Variants in CDC42BPA observed in about 807,000 individuals in gnomAD.
The protein encoded by CDC42BPA is CDC42 binding protein kinase alpha, also known as serine/threonine-protein kinase MRCK alpha.
A neutral mutation model predicts 223.5 loss-of-function variants in CDC42BPA; 80 were observed. The ratio of observed to expected loss-of-function variants is 0.36; its 90% CI spans 0.30 to 0.43. CDC42BPA has a LOEUF of 0.43. CDC42BPA is among the 20% of genes least tolerant of loss of function. The probability of loss-of-function intolerance (pLI) is 1.00; values close to 1 mark genes in which losing one functional copy is unlikely to be tolerated. For missense variants in CDC42BPA, 1,743 were observed against 2,099.9 expected, an observed-to-expected ratio of 0.83 and a Z score of 3.32; for synonymous variants, 694 against 718.6, an observed-to-expected ratio of 0.97 and a Z score of 0.55.
In CDC42BPA at chr1:227,030,433, T is replaced by G. The variant is rs1405097010; in HGVS notation, c.3813A>C (p.Leu1271Phe). 1 of 1,601,002 alleles carries G rather than the reference T, an allele frequency of 6.2e-7. No individual in the cohort carries two copies. ...CATCTTTGGTGACATGTACAACAAATAACCCTTCTTCGTTTCCCAAAGCAA... is the reference window on the plus strand; with the variant it reads ...CATCTTTGGTGACATGTACAACAAAGAACCCTTCTTCGTTTCCCAAAGCAA... ...ERIALGNEEGLFVVHVTKDEI... is the reference protein window; with the variant it reads ...ERIALGNEEGFFVVHVTKDEI... The change falls in exon 29 of 37, where the codon TTA becomes TTC. Residue 1271 changes from leucine to phenylalanine, a missense_variant. By Grantham distance (22) the Leu-to-Phe change is conservative. This residue lies in a region of CDC42BPA where 678 missense variants were observed against 777.5 expected (regional missense o/e 0.87). Transcript: ENST00000366766.
chr1:227,123,207 C>T (rs978150338), intron 11 of CDC42BPA, among the ~76,000 whole-genome samples: 1 of 152,074 alleles, frequency 6.6e-6, no homozygotes, highest in African/African-American at 2.4e-5. Flanking sequence ...AGGGCTGAGG[C>T]GGGAGAATCA....
intron 3 of CDC42BPA, among the ~76,000 whole-genome samples, chr1:227,206,309 T>C (rs1186677597): frequency 6.6e-6 from 1 of 151,938 alleles, no homozygotes; most frequent in Non-Finnish European, 1.5e-5. Context: ...TTATTGGTGA[T>C]AAACTAGCAA....
At chr1:227,235,022 C>A (rs1167792878) in intron 2 of CDC42BPA, 1 of 152,030 alleles carries the variant, frequency 6.6e-6, no homozygotes, top group Non-Finnish European at 1.5e-5. Flanking sequence ...AGATTGGACA[C>A]CTCTGTTTTA....
intron 2 of CDC42BPA, among the ~76,000 whole-genome samples, chr1:227,243,535 C>A (rs1370128970): frequency 2.0e-5 from 3 of 151,818 alleles, no homozygotes; most frequent in African/African-American, 7.3e-5. Context: ...GATGAGACAT[C>A]TAAATGTGAA....
chr1:227,045,076 C>T (rs1041584726), intron 23 of CDC42BPA, among the ~76,000 whole-genome samples: 2 of 152,162 alleles, frequency 1.3e-5, no homozygotes, highest in Non-Finnish European at 2.9e-5. Flanking sequence ...TTCTCTTAAC[C>T]GGTCTGTGTA....
Position 227,033,350 on chromosome 1 carries a change from A to G in CDC42BPA, c.3542T>C (p.Ile1181Thr). The G allele has an allele frequency of 4.3e-6, 7 of 1,609,374 alleles. No homozygotes were observed. Among genetic ancestry groups the G allele is most frequent in the Non-Finnish European group, 5.1e-6 (6 of 1,175,668 alleles). Residue 1181 changes from isoleucine to threonine, a missense_variant, in exon 27 of 37, where the codon ATA becomes ACA. This residue lies in a region of CDC42BPA where 678 missense variants were observed against 777.5 expected (regional missense o/e 0.87). Transcript: ENST00000366766. ...CACACTTACCCTAAATATACAGGGT[A>G]TATCTTTCCGACTTGCATGGATAAC... ...SDVIHASRKD[I>T]PCIFRVTASQ...
intron 2 of CDC42BPA, among the ~76,000 whole-genome samples, chr1:227,230,281 T>C (rs1255951471): frequency 6.6e-6 from 1 of 152,226 alleles, no homozygotes; most frequent in Non-Finnish European, 1.5e-5. Context: ...CTAGTTGTTT[T>C]CAGCAGAACA....
intron 1 of CDC42BPA, among the ~76,000 whole-genome samples, chr1:227,294,391 T>C (rs1279470357): frequency 6.6e-6 from 1 of 152,070 alleles, no homozygotes; most frequent in Non-Finnish European, 1.5e-5. Context: ...GAGCTTAAGA[T>C]CACACGATAT....
intron 10 of CDC42BPA, among the ~76,000 whole-genome samples, chr1:227,132,634 C>A (rs954028306): frequency 4.0e-5 from 6 of 150,238 alleles, no homozygotes; most frequent in African/African-American, 1.5e-4. Flanking sequence ...GCTGCCCAGT[C>A]TGGAAAGTGA....
At chr1:227,161,202 G>T (rs1301234803) in intron 5 of CDC42BPA, among the ~76,000 whole-genome samples, 1 of 152,186 alleles carries the variant, frequency 6.6e-6, no homozygotes, top group Non-Finnish European at 1.5e-5. Flanking sequence ...TCAATGGTGT[G>T]TAAGATACCC....
intron 1 of CDC42BPA, among the ~76,000 whole-genome samples, chr1:227,276,479 C>G (rs1164756613): frequency 1.3e-5 from 2 of 151,394 alleles, no homozygotes; most frequent in East Asian, 2.0e-4. Flanking sequence ...CGGCCAGCCG[C>G]CCCGTTCGGG....
At chr1:227,133,665 C>G (rs1283961713) in intron 10 of CDC42BPA, among the ~76,000 whole-genome samples, 1 of 152,114 alleles carries the variant, frequency 6.6e-6, no homozygotes, top group Non-Finnish European at 1.5e-5. Context: ...TGACCTTACC[C>G]CCAACCCTGT....
chr1:227,275,948 G>A (rs192323137), intron 1 of CDC42BPA, among the ~76,000 whole-genome samples: 14,768 of 151,766 alleles, frequency 0.097, 1,153 homozygotes, highest in East Asian at 0.35. Flanking sequence ...ATCTCGGCTC[G>A]CTACAACCTC....
At chr1:227,006,140 C>G (rs566249887) in intron 34 of CDC42BPA, among the ~76,000 whole-genome samples, 10 of 152,162 alleles carry the variant, frequency 6.6e-5, no homozygotes, top group Admixed American at 3.3e-4. Context: ...ATAATCCCAG[C>G]CTCATGTAAG....
intron 5 of CDC42BPA, among the ~76,000 whole-genome samples, chr1:227,171,110 G>C (rs931382684): frequency 1.3e-5 from 2 of 152,230 alleles, no homozygotes; most frequent in Admixed American, 6.5e-5. Flanking sequence ...TTTCAACTTT[G>C]ATAATTCATG....
At chr1:227,067,046 T>C (rs1677234103) in intron 21 of CDC42BPA, among the ~76,000 whole-genome samples, 1 of 152,184 alleles carries the variant, frequency 6.6e-6, no homozygotes, top group South Asian at 2.1e-4. Flanking sequence ...GCAGCTCTTG[T>C]GAACTCAGTT....
intron 1 of CDC42BPA, among the ~76,000 whole-genome samples, chr1:227,280,762 C>A (rs4518864): frequency 0.15 from 22,817 of 152,158 alleles, 2,076 homozygotes; most frequent in African/African-American, 0.24. Flanking sequence ...TAAAAACTTA[C>A]AAATGGACTG....
In CDC42BPA at chr1:227,010,937, G is replaced by A. The variant is rs149721518; in HGVS notation, c.4857+5143C>T. 1.3e-4 allele frequency: 174 copies of A among 1,365,300 alleles called. No homozygotes were observed. The African/African-American group carries it at 2.2e-3, about 17-fold the overall frequency. 84.6% of individuals were successfully genotyped at this position (1,365,300 alleles called of 1,614,324 possible). On this transcript the variant is annotated intron_variant, in intron 34 of 36. Coordinates refer to ENST00000366766, the MANE Select transcript of CDC42BPA (RefSeq NM_001394014.1). Reference sequence around the variant, plus strand: ...GAGCGCAGAGACGGGGAATATTCAGGGTTTATGGAATCAGGAGAGAGAAAT... The same window carrying A: ...GAGCGCAGAGACGGGGAATATTCAGAGTTTATGGAATCAGGAGAGAGAAAT...
intron 14 of CDC42BPA, among the ~76,000 whole-genome samples, chr1:227,111,228 G>A (rs2149381031): frequency 6.6e-6 from 1 of 152,248 alleles, no homozygotes; most frequent in South Asian, 2.1e-4. Context: ...AATGGGGGCT[G>A]ACAGATATAG....
Sources: allele counts gnomAD v4.1 joint callset (sites outside exome capture counted in the v4.1 genomes callset), GRCh38; gene constraint gnomAD v4.1.1; regional missense constraint gnomAD v4.1.1; transcripts MANE v1.5; gene names NCBI Gene and HGNC (gene_info 2026-07-23, HGNC 2026-07-21).